Variants in GRID1 observed in about 807,000 individuals in gnomAD.
GRID1 encodes the protein glutamate receptor ionotropic, delta-1.
Under a neutral mutation model 98.0 loss-of-function variants are expected in GRID1, and 28 were observed. That is an observed-to-expected ratio of 0.29 (90% CI 0.21 to 0.39). The LOEUF is 0.39. GRID1 is among the 10% of genes least tolerant of loss of function. The pLI, the probability that GRID1 is intolerant of heterozygous loss-of-function variation, is 1.00. For synonymous variants in GRID1, 553 were observed against 538.5 expected, an observed-to-expected ratio of 1.03 and a Z score of -0.37; for missense variants, 1,111 against 1,340.5, an observed-to-expected ratio of 0.83 and a Z score of 2.67.
intron 8 of GRID1, among the ~76,000 whole-genome samples, chr10:85,784,562 G>T (rs1564589896): frequency 6.6e-6 from 1 of 152,202 alleles, no homozygotes; most frequent in East Asian, 1.9e-4. Flanking sequence ...CAAGTGGGAT[G>T]CTTACTGCAT....
intron 8 of GRID1, among the ~76,000 whole-genome samples, chr10:85,851,468 C>A (rs961884818): frequency 1.3e-5 from 2 of 152,162 alleles, no homozygotes. Context: ...AGTTGAAAGG[C>A]GATCACCCAC....
intron 8 of GRID1, among the ~76,000 whole-genome samples, chr10:85,775,742 A>G (rs1444724277): frequency 6.6e-6 from 1 of 152,170 alleles, no homozygotes; most frequent in Admixed American, 6.5e-5. Context: ...AATATTGTTG[A>G]AAAGGGGGTT....
intron 2 of GRID1, among the ~76,000 whole-genome samples, chr10:86,268,717 G>A (rs1364231112): frequency 1.3e-5 from 2 of 152,090 alleles, no homozygotes; most frequent in South Asian, 2.1e-4. Flanking sequence ...GGAGCCGGGC[G>A]CAGTGGCTCA....
intron 12 of GRID1, among the ~76,000 whole-genome samples, chr10:85,722,744 T>G (rs1359859381): frequency 6.6e-6 from 1 of 152,218 alleles, no homozygotes; most frequent in Non-Finnish European, 1.5e-5. Flanking sequence ...AAATGTAATT[T>G]GTTAATTGAT....
intron 5 of GRID1, among the ~76,000 whole-genome samples, chr10:85,912,229 AC>A (rs1164929710): frequency 2.0e-5 from 3 of 152,216 alleles, no homozygotes; most frequent in Admixed American, 6.5e-5. Flanking sequence ...TGAATCCCCT[AC>A]CCTCTCTAAG....
At chr10:86,302,335 G>A (rs1847700842) in intron 2 of GRID1, among the ~76,000 whole-genome samples, 1 of 152,342 alleles carries the variant, frequency 6.6e-6, no homozygotes, top group East Asian at 1.9e-4. Context: ...CAGCACTGAT[G>A]AGCCTCGGAG....
At chr10:86,149,624 C>G (rs142940649) in intron 3 of GRID1, among the ~76,000 whole-genome samples, 9 of 152,318 alleles carry the variant, frequency 5.9e-5, no homozygotes, top group African/African-American at 2.2e-4. Flanking sequence ...TTAAAATAAA[C>G]GTCTACTCTG....
intron 5 of GRID1, among the ~76,000 whole-genome samples, chr10:85,911,523 C>T (rs1026543747): frequency 6.6e-6 from 1 of 152,192 alleles, no homozygotes; most frequent in Non-Finnish European, 1.5e-5. Context: ...CCGCTGCTGA[C>T]CCACAGATCA....
At chr10:86,097,256 T>C (rs1320771569) in intron 4 of GRID1, among the ~76,000 whole-genome samples, 4 of 152,192 alleles carry the variant, frequency 2.6e-5, no homozygotes, top group South Asian at 2.1e-4. Context: ...ACGATAGATA[T>C]ATAATAGATG....
chr10:85,622,566 G>C (rs541328102), intron 13 of GRID1, among the ~76,000 whole-genome samples: 1 of 152,260 alleles, frequency 6.6e-6, no homozygotes, highest in East Asian at 1.9e-4. Context: ...GTGTCTGCTT[G>C]AGGAAGCATG....
chr10:86,339,495 A>G (rs1238621870), intron 2 of GRID1, among the ~76,000 whole-genome samples: 1 of 152,262 alleles, frequency 6.6e-6, no homozygotes. Flanking sequence ...TGGGCTAGGC[A>G]GGCAGAACCA....
intron 8 of GRID1, among the ~76,000 whole-genome samples, chr10:85,780,064 C>G (rs939857039): frequency 3.9e-5 from 6 of 152,208 alleles, no homozygotes; most frequent in African/African-American, 1.4e-4. Flanking sequence ...TAAGGCTCAG[C>G]AGTGCCAAGT....
chr10:85,636,795 A>T (rs1042212937), intron 13 of GRID1, among the ~76,000 whole-genome samples: 2 of 152,242 alleles, frequency 1.3e-5, no homozygotes, highest in African/African-American at 4.8e-5. Flanking sequence ...AATGTAATTC[A>T]TTCAAAGCCC....
chr10:85,923,495 G>C (rs1409651636), intron 4 of GRID1, among the ~76,000 whole-genome samples: 1 of 152,156 alleles, frequency 6.6e-6, no homozygotes, highest in African/African-American at 2.4e-5. Flanking sequence ...GTTGCAGGCT[G>C]GGGGCAATCG....
chr10:85,724,656 A>C lies in GRID1; in HGVS notation c.1554T>G (p.Ser518=). The C allele has an allele frequency of 2.5e-6, 4 of 1,610,610 alleles. No individual in the cohort carries two copies. In the East Asian group the frequency reaches 8.9e-5, roughly 36 times the overall value. Residue 518 remains serine, a synonymous_variant, in exon 11 of 16, where the codon TCT becomes TCG. Coordinates refer to ENST00000327946, the MANE Select transcript of GRID1 (RefSeq NM_017551.3). ...LISKRADLAI[S]AITITPERES... Reference sequence around the variant, plus strand: ...CCCTCTCTGGGGTGATGGTGATGGCAGAGATGGCCAAGTCTGCTCTCTGAA... The same window carrying C: ...CCCTCTCTGGGGTGATGGTGATGGCCGAGATGGCCAAGTCTGCTCTCTGAA...
At chr10:86,205,682 C>T (rs1846016000) in intron 3 of GRID1, among the ~76,000 whole-genome samples, 1 of 152,200 alleles carries the variant, frequency 6.6e-6, no homozygotes, top group Non-Finnish European at 1.5e-5. Context: ...AAACACTAAA[C>T]ATGGAAACCA....
intron 4 of GRID1, among the ~76,000 whole-genome samples, chr10:86,101,145 G>A (rs1209913015): frequency 6.6e-6 from 1 of 152,134 alleles, no homozygotes; most frequent in African/African-American, 2.4e-5. Context: ...GGGACAGCAA[G>A]GTAGCCTGGG....
At position 85,602,146 on chromosome 10, in the gene GRID1, A is replaced by G; in HGVS notation, c.*127T>C. On this transcript the variant is annotated 3_prime_UTR_variant, in exon 16 of 16. Coordinates refer to ENST00000327946, the MANE Select transcript of GRID1 (RefSeq NM_017551.3). ...TCATTATTTACACATATGTACAAGA[A>G]AAATGAAAGAGTCTCTGTGTATGTG... 3.5e-6 allele frequency: 2 copies of G among 567,908 alleles called. No individual in the cohort carries two copies. The highest frequency in any genetic ancestry group is 6.1e-6 in the Non-Finnish European group (2 of 328,806). 35.2% of individuals were successfully genotyped at this position (567,908 alleles called of 1,614,324 possible).
At chr10:85,825,049 A>G (rs1428260541) in intron 8 of GRID1, among the ~76,000 whole-genome samples, 3 of 152,234 alleles carry the variant, frequency 2.0e-5, no homozygotes, top group African/African-American at 7.2e-5. Flanking sequence ...CCCTTTGGAA[A>G]AAAAATCCAG....
Sources: gnomAD v4.1 joint callset for allele counts (sites outside exome capture counted in the v4.1 genomes callset) on GRCh38, gnomAD v4.1.1 for gene constraint, MANE v1.5 for transcripts, NCBI Gene and HGNC (gene_info 2026-07-23, HGNC 2026-07-21) for gene names.